The following CCDC192 variants were observed in gnomAD, a reference collection of about 807,000 sequenced individuals.
CCDC192 encodes the protein coiled-coil domain-containing protein 192.
chr5:127,738,220 G>A (rs1159821787), intron 2 of CCDC192, among the ~76,000 whole-genome samples: 1 of 150,076 alleles, frequency 6.7e-6, no homozygotes, highest in African/African-American at 2.5e-5. Context: ...GAAATTCTGG[G>A]TTGAAAATTC....
At chr5:127,878,652 T>A (rs12332385) in intron 6 of CCDC192, among the ~76,000 whole-genome samples, 99,456 of 152,060 alleles carry the variant, frequency 0.65, 32,529 homozygotes, top group Non-Finnish European at 0.68. Flanking sequence ...CAAGACTCTG[T>A]CTCAAAAAAT....
At chr5:127,768,927 G>A (rs1755392213) in intron 3 of CCDC192, among the ~76,000 whole-genome samples, 1 of 152,194 alleles carries the variant, frequency 6.6e-6, no homozygotes, top group African/African-American at 2.4e-5. Context: ...TTCCTAATTT[G>A]TGTTACTAAT....
chr5:127,924,092 C>A (rs181602822), intron 6 of CCDC192, among the ~76,000 whole-genome samples: 1 of 152,296 alleles, frequency 6.6e-6, no homozygotes, highest in African/African-American at 2.4e-5. Context: ...AATATTGATT[C>A]TTTGAGGTTA....
chr5:127,763,069 C>CGTAGTGAGGACTTAAGGCTTT lies in CCDC192; in HGVS notation c.222+8694_222+8695insGTAGTGAGGACTTAAGGCTTT, dbSNP rs1197041413. 6.9e-3 allele frequency among the ~76,000 whole-genome samples: 1,051 copies of CGTAGTGAGGACTTAAGGCTTT among 152,196 alleles called. 11 individuals carry two copies. Among genetic ancestry groups the CGTAGTGAGGACTTAAGGCTTT allele is most frequent in the African/African-American group, 0.024 (992 of 41,516 alleles). On this transcript the variant is annotated intron_variant, in intron 3 of 6. Coordinates refer to ENST00000514853, the MANE Select transcript of CCDC192 (RefSeq NM_001317938.2). ...CTCTTGTCTGCTCCTTCTATAGACTCTCCTTGGTGATCTGACTTTAGCATA... is the reference window on the plus strand; with the variant it reads ...CTCTTGTCTGCTCCTTCTATAGACTCGTAGTGAGGACTTAAGGCTTTTCCTTGGTGATCTGACTTTAGCATA...
At chr5:127,860,404 A>G (rs1751305782) in intron 5 of CCDC192, among the ~76,000 whole-genome samples, 1 of 152,190 alleles carries the variant, frequency 6.6e-6, no homozygotes, top group African/African-American at 2.4e-5. Flanking sequence ...AAAAACATGC[A>G]AGTCTTAAGC....
intron 5 of CCDC192, among the ~76,000 whole-genome samples, chr5:127,864,325 C>CA (rs1751504177): frequency 6.6e-6 from 1 of 152,184 alleles, no homozygotes; most frequent in Non-Finnish European, 1.5e-5. Flanking sequence ...GGAGATGAGG[C>CA]AAGTGGTTTT....
intron 3 of CCDC192, among the ~76,000 whole-genome samples, chr5:127,783,296 C>G (rs370759055): frequency 6.6e-6 from 1 of 152,094 alleles, no homozygotes; most frequent in East Asian, 1.9e-4. Context: ...ACCCAGCATC[C>G]CAGAGGTTTT....
chr5:127,752,272 G>T (rs559561191), intron 2 of CCDC192, among the ~76,000 whole-genome samples: 319 of 152,304 alleles, frequency 2.1e-3, no homozygotes, highest in Non-Finnish European at 2.5e-3. Context: ...TGATGATGGT[G>T]ATGTTCAGAT....
intron 6 of CCDC192, among the ~76,000 whole-genome samples, chr5:127,917,684 T>A (rs1561550971): frequency 1.3e-5 from 2 of 152,216 alleles, no homozygotes; most frequent in Non-Finnish European, 2.9e-5. Flanking sequence ...CTGTCTTATA[T>A]GGGTGCAGTT....
intron 2 of CCDC192, among the ~76,000 whole-genome samples, chr5:127,731,438 G>C (rs913910743): frequency 1.3e-5 from 2 of 152,130 alleles, no homozygotes; most frequent in Admixed American, 1.3e-4. Flanking sequence ...TGGCCATACT[G>C]TCCAAAGTAA....
intron 5 of CCDC192, among the ~76,000 whole-genome samples, chr5:127,870,042 C>G (rs553881132): frequency 2.6e-5 from 4 of 152,230 alleles, no homozygotes; most frequent in South Asian, 2.1e-4. Flanking sequence ...AAAACTTTAT[C>G]AAATTAAATA....
chr5:127,891,873 C>G (rs1434655867), intron 6 of CCDC192, among the ~76,000 whole-genome samples: 2 of 152,212 alleles, frequency 1.3e-5, no homozygotes, highest in Non-Finnish European at 2.9e-5. Context: ...ATGGCATTTA[C>G]TATCTTTTAG....
At chr5:127,722,376 G>A (rs1253678215) in intron 2 of CCDC192, among the ~76,000 whole-genome samples, 2 of 151,842 alleles carry the variant, frequency 1.3e-5, no homozygotes, top group Non-Finnish European at 2.9e-5. Flanking sequence ...TGTCAGATGG[G>A]TAGTTTGCAA....
At chr5:127,804,958 G>A (rs947107633) in intron 5 of CCDC192, among the ~76,000 whole-genome samples, 1 of 152,160 alleles carries the variant, frequency 6.6e-6, no homozygotes, top group Non-Finnish European at 1.5e-5. Context: ...TGCTCCTTGT[G>A]CTGGGATACC....
chr5:127,838,080 G>A (rs1037535054), intron 5 of CCDC192, among the ~76,000 whole-genome samples: 11 of 152,168 alleles, frequency 7.2e-5, no homozygotes, highest in Admixed American at 3.9e-4. Context: ...GCAAAGAGAC[G>A]TTATCTACCC....
intron 5 of CCDC192, among the ~76,000 whole-genome samples, chr5:127,800,402 C>CAA (rs772597286): frequency 0.19 from 16,981 of 88,432 alleles, 1,322 homozygotes; most frequent in South Asian, 0.34. Context: ...AAAAAAAAAA[C>CAA]AACAACAACA....
intron 1 of CCDC192, among the ~76,000 whole-genome samples, chr5:127,704,494 G>A (rs1299067690): frequency 5.9e-5 from 9 of 152,090 alleles, no homozygotes; most frequent in Non-Finnish European, 1.0e-4. Flanking sequence ...GGCCTGCTTC[G>A]TTAAGTTTTA....
intron 3 of CCDC192, among the ~76,000 whole-genome samples, chr5:127,776,542 G>C (rs1755866656): frequency 6.6e-6 from 1 of 152,220 alleles, no homozygotes; most frequent in Non-Finnish European, 1.5e-5. Context: ...CAATCAGGCT[G>C]TAGAAATTTG....
At chr5:127,880,437 C>T (rs1474680472) in intron 6 of CCDC192, among the ~76,000 whole-genome samples, 7 of 116,692 alleles carry the variant, frequency 6.0e-5, no homozygotes, top group South Asian at 2.8e-4. Context: ...GAATATCACA[C>T]TCTGGGGACT....
Sources: gnomAD v4.1 joint callset for allele counts (sites outside exome capture counted in the v4.1 genomes callset) on GRCh38, gnomAD v4.1.1 for gene constraint, MANE v1.5 for transcripts, NCBI Gene and HGNC (gene_info 2026-07-23, HGNC 2026-07-21) for gene names.